Variants in CERS6 observed in about 807,000 individuals in gnomAD.
The protein encoded by CERS6 is LAG1 homolog, ceramide synthase 6.
In CERS6, 26 loss-of-function variants were observed where a neutral mutation model predicts 56.8. The observed-to-expected ratio is 0.46, with a 90% CI of 0.34 to 0.63. The LOEUF (loss-of-function observed/expected upper bound fraction) is 0.63, where lower values mean the gene tolerates loss of function less well. CERS6 is among the 30% of genes least tolerant of loss of function. The pLI is 0.01. For missense variants in CERS6, 415 were observed against 467.5 expected, an observed-to-expected ratio of 0.89 and a Z score of 1.04; for synonymous variants, 164 against 173.3, an observed-to-expected ratio of 0.95 and a Z score of 0.42.
chr2:168,631,527 A>T (rs1228787321), intron 4 of CERS6, among the ~76,000 whole-genome samples: 1 of 13,738 alleles, frequency 7.3e-5, no homozygotes, highest in Non-Finnish European at 3.3e-4. Context: ...CTATTATATA[A>T]ATACATATTA....
In CERS6 at chr2:168,649,833, C is replaced by T. The variant is rs550121797; in HGVS notation, c.465+18791C>T. 1.2e-3 allele frequency among the ~76,000 whole-genome samples: 182 copies of T among 152,200 alleles called. 1 individual carries two copies. Among genetic ancestry groups the T allele is most frequent in the South Asian group, 2.1e-3 (10 of 4,818 alleles). ...CACACTCTTTCCCCCTCGTAGAGGA[C>T]TCTGAAGAGTCTGTGACTGTACTTG... On this transcript the variant is annotated intron_variant, in intron 4 of 9. Transcript: ENST00000305747.
At chr2:168,702,245 A>C (rs1178438554) in intron 6 of CERS6, among the ~76,000 whole-genome samples, 1 of 152,210 alleles carries the variant, frequency 6.6e-6, no homozygotes, top group East Asian at 1.9e-4. Context: ...TGAAATTGGA[A>C]ATAGGTATGC....
intron 1 of CERS6, among the ~76,000 whole-genome samples, chr2:168,525,801 T>G (rs1695061396): frequency 6.6e-6 from 1 of 152,254 alleles, no homozygotes; most frequent in African/African-American, 2.4e-5. Flanking sequence ...TCTCTGCAGG[T>G]CTTTAAATAA....
chr2:168,712,538 A>C (rs1169103778), intron 6 of CERS6, among the ~76,000 whole-genome samples: 1 of 152,242 alleles, frequency 6.6e-6, no homozygotes, highest in Non-Finnish European at 1.5e-5. Flanking sequence ...CTCCCAATTT[A>C]TATCTGAATA....
chr2:168,526,151 G>T (rs570139516), intron 1 of CERS6, among the ~76,000 whole-genome samples: 1 of 152,164 alleles, frequency 6.6e-6, no homozygotes, highest in African/African-American at 2.4e-5. Flanking sequence ...AAAACAAAAT[G>T]TCCCCCAAGA....
chr2:168,553,305 C>T (rs560656935), intron 2 of CERS6, among the ~76,000 whole-genome samples: 31 of 152,092 alleles, frequency 2.0e-4, no homozygotes, highest in Non-Finnish European at 2.9e-4. Context: ...ATTAAAACAA[C>T]TTCTGAGATA....
chr2:168,552,387 CACACT>C (rs1360505074), intron 2 of CERS6, among the ~76,000 whole-genome samples: 12 of 138,762 alleles, frequency 8.6e-5, no homozygotes, highest in African/African-American at 2.9e-4. Context: ...CACACACACA[CACACT>C]ACACACACAA....
chr2:168,523,740 T>C (rs1695023930), intron 1 of CERS6, among the ~76,000 whole-genome samples: 1 of 152,076 alleles, frequency 6.6e-6, no homozygotes, highest in Admixed American at 6.5e-5. Context: ...GGAGAAGATA[T>C]TATTTGTGAT....
At chr2:168,712,291 C>T (rs1016601121) in intron 6 of CERS6, among the ~76,000 whole-genome samples, 3 of 152,172 alleles carry the variant, frequency 2.0e-5, no homozygotes, top group African/African-American at 7.2e-5. Flanking sequence ...TGAACATCCA[C>T]CAACCTTAGC....
Position 168,456,727 on chromosome 2 carries a change from G to C in CERS6, c.170+109G>C, listed in dbSNP as rs1255012406. 7.5e-6 allele frequency: 8 copies of C among 1,064,858 alleles called. No homozygotes were observed. The Admixed American group carries it at 8.7e-5, about 12-fold the overall frequency. 66.0% of individuals were successfully genotyped at this position (1,064,858 alleles called of 1,614,324 possible). A position where few individuals can be genotyped will look rare whatever the true frequency, so the allele number is the denominator to read the frequency against. On this transcript the variant is annotated intron_variant, in intron 1 of 9. Transcript: ENST00000305747. This position sits in a 1 kb window ranked among gnomAD's most constrained non-coding sequence, Gnocchi z 4.1. ...CCGCGCCCCCAACGCTCGCGTTCAC[G>C]CCTCCCAACCTTTGTGTTCGGGGAG...
At chr2:168,702,323 C>T (rs1031286272) in intron 6 of CERS6, among the ~76,000 whole-genome samples, 1 of 152,100 alleles carries the variant, frequency 6.6e-6, no homozygotes. Flanking sequence ...CATAGAACCC[C>T]ATTTTTACTT....
intron 3 of CERS6, among the ~76,000 whole-genome samples, chr2:168,596,061 C>T (rs1402562241): frequency 1.8e-5 from 2 of 108,976 alleles, no homozygotes; most frequent in Admixed American, 2.1e-4. Context: ...CCAGCCTGGG[C>T]AACAAAGCGA....
In CERS6 at chr2:168,709,997, T is replaced by G. The variant is rs114466260; in HGVS notation, c.610-5004T>G. Among the ~76,000 whole-genome samples the G allele has an allele frequency of 2.0e-3, 309 of 152,338 alleles. 1 individual carries two copies. Among genetic ancestry groups the G allele is most frequent in the African/African-American group, 7.2e-3 (298 of 41,592 alleles). The stretch of plus-strand genomic sequence containing the variant: ...TGTAAAAGGTGACATCCATTATTCA[T>G]TCTTTTTTCATATTCATACAGATAG... On this transcript the variant is annotated intron_variant, in intron 6 of 9. Coordinates refer to ENST00000305747, the MANE Select transcript of CERS6 (RefSeq NM_203463.3).
chr2:168,696,221 A>G (rs1272136217), intron 6 of CERS6, among the ~76,000 whole-genome samples: 1 of 152,204 alleles, frequency 6.6e-6, no homozygotes, highest in Non-Finnish European at 1.5e-5. Flanking sequence ...AGCCTTACAT[A>G]CAAAGTGCTC....
chr2:168,470,821 A>G (rs1335839522), intron 1 of CERS6, among the ~76,000 whole-genome samples: 2 of 152,172 alleles, frequency 1.3e-5, no homozygotes, highest in African/African-American at 2.4e-5. Context: ...GAGTTTTACA[A>G]TGTGTGAAGC....
intron 1 of CERS6, among the ~76,000 whole-genome samples, chr2:168,481,689 A>C (rs906439826): frequency 6.6e-6 from 1 of 152,232 alleles, no homozygotes; most frequent in Non-Finnish European, 1.5e-5. Flanking sequence ...AGTATTGAGA[A>C]ATAAATGCTT....
chr2:168,546,994 C>A (rs1017366848), intron 1 of CERS6, among the ~76,000 whole-genome samples: 4 of 152,140 alleles, frequency 2.6e-5, no homozygotes, highest in Non-Finnish European at 5.9e-5. Flanking sequence ...TAAACACTTG[C>A]GACTTTTCAT....
intron 8 of CERS6, among the ~76,000 whole-genome samples, chr2:168,755,550 G>T (rs1487378932): frequency 6.6e-6 from 1 of 152,104 alleles, no homozygotes; most frequent in East Asian, 1.9e-4. Flanking sequence ...CCCACTGCAG[G>T]CCCCTCTGGC....
intron 4 of CERS6, among the ~76,000 whole-genome samples, chr2:168,646,031 T>G (rs1685191393): frequency 6.6e-6 from 1 of 152,220 alleles, no homozygotes; most frequent in Non-Finnish European, 1.5e-5. Context: ...GGTGGAATGA[T>G]TCATATTCCT....
Sources: allele counts gnomAD v4.1 joint callset (sites outside exome capture counted in the v4.1 genomes callset), GRCh38; gene constraint gnomAD v4.1.1; non-coding constraint Gnocchi (gnomAD v3.1); transcripts MANE v1.5; gene names NCBI Gene and HGNC (gene_info 2026-07-23, HGNC 2026-07-21).